CD8A: variants seen among roughly 807,000 people sequenced by gnomAD.
The protein encoded by CD8A is T-cell surface glycoprotein CD8 alpha chain.
A neutral mutation model predicts 24.2 loss-of-function variants in CD8A; 25 were observed. That is an observed-to-expected ratio of 1.03 (90% confidence interval 0.75 to 1.44). The LOEUF (loss-of-function observed/expected upper bound fraction) is 1.44. CD8A is among the 40% of genes most tolerant of loss of function. The pLI is 0.00. For missense variants in CD8A, 360 were observed against 319.7 expected (o/e 1.13, Z -0.96); for synonymous variants, 165 against 149.9 (o/e 1.10, Z -0.74).
At chr2:86,804,608 T>G (rs1032626897) in intron 2 of CD8A, among the ~76,000 whole-genome samples, 6 of 151,902 alleles carry the variant, frequency 3.9e-5, no homozygotes, top group Non-Finnish European at 8.8e-5. Context: ...AATAAATTAG[T>G]ATTATTATTT....
intron 5 of CD8A, among the ~76,000 whole-genome samples, chr2:86,786,314 A>C (rs573368726): frequency 6.6e-6 from 1 of 152,340 alleles, no homozygotes; most frequent in East Asian, 1.9e-4. Flanking sequence ...GAGGTGTGAG[A>C]GTGAGACTGA....
intron 5 of CD8A, among the ~76,000 whole-genome samples, chr2:86,787,087 T>TC (rs1673049730): frequency 7.0e-6 from 1 of 142,788 alleles, no homozygotes; most frequent in African/African-American, 2.5e-5. Flanking sequence ...CCCACTTTTT[T>TC]TTTTTTTTTT....
rs761836461 is a variant in CD8A, at chr2:86,790,902, G to C, written c.-77C>G. On this transcript the variant is annotated 5_prime_UTR_variant, in exon 1 of 6. Coordinates refer to ENST00000283635, the MANE Select transcript of CD8A (RefSeq NM_001768.7). ...CGCGCGGGAGCCGGTGGGGCGCCGAGGGGGGAAAGTTGCGCCCTTCGGCCG... is the reference window on the plus strand; with the variant it reads ...CGCGCGGGAGCCGGTGGGGCGCCGACGGGGGAAAGTTGCGCCCTTCGGCCG... 359 of 1,392,922 alleles carry C rather than the reference G, an allele frequency of 2.6e-4. 3 individuals carry two copies. In the Middle Eastern group the frequency reaches 7.5e-3, roughly 29 times the overall value. 86.3% of individuals were successfully genotyped at this position (1,392,922 alleles called of 1,614,324 possible).
At chr2:86,790,212 A>T in intron 2 of CD8A, 116 bp downstream of exon 2, 2 of 787,562 alleles carry the variant, frequency 2.5e-6, no homozygotes, top group Admixed American at 3.8e-5. Flanking sequence ...TGGGAACAGT[A>T]TCTAAGTCGC....
upstream of CD8A, among the ~76,000 whole-genome samples, chr2:86,795,802 G>T: frequency 6.6e-6 from 1 of 152,164 alleles, no homozygotes; most frequent in Non-Finnish European, 1.5e-5. Flanking sequence ...GCCCTGGAAA[G>T]TCAGAGGCTA....
At position 86,785,698 on chromosome 2, in the gene CD8A, C is replaced by T. The variant is rs1365909105; in HGVS notation, c.*222G>A. ...TCCACGCCCTACCGCGATGTGCGCA[C>T]AACAGTATTGTGACCCTTGTGGTGT... is the stretch of plus-strand genomic sequence containing the variant. On this transcript the variant is annotated 3_prime_UTR_variant, in exon 6 of 6. Coordinates refer to ENST00000283635, the MANE Select transcript of CD8A (RefSeq NM_001768.7). 1.4e-6 allele frequency: 1 copy of T among 705,056 alleles called. No homozygotes were observed. Among genetic ancestry groups the T allele is most frequent in the Non-Finnish European group, 2.6e-6 (1 of 386,140 alleles). 43.7% of individuals were successfully genotyped at this position (705,056 alleles called of 1,614,324 possible).
rs1414109870 is a variant in CD8A at position 86,786,060 on chromosome 2, C to G, written c.657-89G>C. 2.9e-6 allele frequency: 3 copies of G among 1,051,018 alleles called. No individual in the cohort carries two copies. In the African/African-American group the frequency reaches 4.7e-5, roughly 16 times the overall value. 65.1% of individuals were successfully genotyped at this position (1,051,018 alleles called of 1,614,324 possible). A position where few individuals can be genotyped will look rare whatever the true frequency, so the allele number is the denominator to read the frequency against. The stretch of plus-strand genomic sequence containing the variant: ...CACGTCCAGCCTCCCAATCCCCCAG[C>G]CTTTGAAAGGTCTGAGAACCTGTTC... On this transcript the variant is annotated intron_variant, in intron 5 of 5. Transcript: ENST00000283635.
rs755909430 is a variant in CD8A, at chr2:86,790,491, C to G, written c.240G>C (p.Ala80=). Residue 80 remains alanine, a synonymous_variant, in exon 2 of 6, where the codon GCG becomes GCC. Coordinates refer to ENST00000283635, the MANE Select transcript of CD8A (RefSeq NM_001768.7). ...LLYLSQNKPK[A]AEGLDTQRFS... ...ACCGCTGGGTGTCCAGCCCCTCGGC[C>G]GCCTTGGGCTTGTTTTGGGAGAGGT... 2 of 1,614,010 alleles carry G rather than the reference C, an allele frequency of 1.2e-6. No homozygotes were observed. The highest frequency in any genetic ancestry group is 1.7e-6 in the Non-Finnish European group (2 of 1,180,032).
At chr2:86,798,227 G>A (rs545474900) in intron 3 of CD8A, among the ~76,000 whole-genome samples, 4 of 151,184 alleles carry the variant, frequency 2.6e-5, no homozygotes, top group African/African-American at 9.7e-5. Flanking sequence ...TCAGGTTGGA[G>A]TGCAATGGCA....
chr2:86,800,045 T>C (rs1300514246), intron 3 of CD8A, among the ~76,000 whole-genome samples: 1 of 152,098 alleles, frequency 6.6e-6, no homozygotes, highest in South Asian at 2.1e-4. Context: ...TTTCCTTGAA[T>C]CTAGTGAGCT....
At chr2:86,790,720 G>A (rs1558735858) in intron 1 of CD8A, 39 bp from the exon 2 acceptor site, 1 of 1,516,678 alleles carries the variant, frequency 6.6e-7, no homozygotes, top group East Asian at 2.4e-5. Flanking sequence ...CCGCAGTCCC[G>A]CGCCCCCCGC....
upstream of CD8A, among the ~76,000 whole-genome samples, chr2:86,795,741 G>T (rs1332666390): frequency 6.6e-6 from 1 of 152,104 alleles, no homozygotes; most frequent in Non-Finnish European, 1.5e-5. Context: ...ATTTTCTCTT[G>T]ATTGAAAGAG....
upstream of CD8A, chr2:86,791,354 A>G: frequency 2.7e-6 from 1 of 364,520 alleles, no homozygotes; most frequent in South Asian, 2.1e-5. Context: ...GCTTCTGAGG[A>G]ACTCGCTAGA....
intron 5 of CD8A, among the ~76,000 whole-genome samples, chr2:86,787,267 C>T (rs1321110275): frequency 4.6e-5 from 7 of 151,624 alleles, no homozygotes; most frequent in Non-Finnish European, 1.0e-4. Context: ...AGTCTTTATC[C>T]CCTTGGTATA....
At position 86,789,313 on chromosome 2, in the gene CD8A, C is replaced by T. The variant is rs755153206; in HGVS notation, c.625+10G>A. Reference sequence around the variant, plus strand: ...CCGACTCCTTCCCGCCGCGATTCCTCGGGACTTACTGTGGTTGCAGTAAAG... The same window carrying T: ...CCGACTCCTTCCCGCCGCGATTCCTTGGGACTTACTGTGGTTGCAGTAAAG... On this transcript the variant is annotated intron_variant, in intron 4 of 5. Transcript: ENST00000283635. 6 of 1,565,344 alleles carry T rather than the reference C, an allele frequency of 3.8e-6. No homozygotes were observed. In the Admixed American group the frequency reaches 8.3e-5, roughly 22 times the overall value.
At chr2:86,804,955 A>G (rs958496870) in intron 2 of CD8A, among the ~76,000 whole-genome samples, 3 of 151,962 alleles carry the variant, frequency 2.0e-5, no homozygotes, top group African/African-American at 7.3e-5. Flanking sequence ...GGCACACGCC[A>G]CCATGCCTGG....
At chr2:86,791,822 G>C (rs1213065285), upstream of CD8A, 1 of 366,038 alleles carries the variant, frequency 2.7e-6, no homozygotes, top group African/African-American at 2.1e-5. Context: ...GTGCTTTCAC[G>C]CCCTTGCACT....
intron 2 of CD8A, among the ~76,000 whole-genome samples, chr2:86,806,684 C>G (rs1245946956): frequency 6.6e-6 from 1 of 152,142 alleles, no homozygotes; most frequent in Admixed American, 6.5e-5. Flanking sequence ...AGTTGGAGAC[C>G]GGCCTGGGCC....
At chr2:86,789,098 T>G (rs1184364792) in intron 4 of CD8A, among the ~76,000 whole-genome samples, 5 of 152,180 alleles carry the variant, frequency 3.3e-5, no homozygotes, top group Admixed American at 3.3e-4. Flanking sequence ...GCAGCGGCTC[T>G]GGGAACGCGG....
Sources: gnomAD v4.1 joint callset for allele counts (sites outside exome capture counted in the v4.1 genomes callset) on GRCh38, gnomAD v4.1.1 for gene constraint, MANE v1.5 for transcripts, NCBI Gene and HGNC (gene_info 2026-07-23, HGNC 2026-07-21) for gene names.